The following SCT variants were observed in gnomAD, a reference collection of about 807,000 sequenced individuals.
SCT encodes secretin.
A neutral mutation model predicts 10.9 loss-of-function variants in SCT; 17 were observed. The observed-to-expected ratio is 1.55, with a 90% CI of 1.06 to 2.33. The LOEUF is 2.33. Ranked by LOEUF, SCT falls within the 30% of genes most tolerant of loss-of-function variation. SCT has a pLI of 0.00. For synonymous variants in SCT, 96 were observed against 73.9 expected (o/e 1.30, Z -1.54); for missense variants, 230 against 165.9 (o/e 1.39, Z -2.12).
Position 626,457 on chromosome 11 carries a change from C to T in SCT, c.340G>A (p.Ala114Thr), listed in dbSNP as rs1365592810. 2.6e-6 allele frequency: 4 copies of T among 1,555,144 alleles called. No individual in the cohort carries two copies. In the African/African-American group the frequency reaches 4.1e-5, roughly 16 times the overall value. ...CATCTGGGCCGCAAGGTTCCTTCTGCAGCAGCGCCAGCTGGTTCTGAAACC... is the reference window on the plus strand; with the variant it reads ...CATCTGGGCCGCAAGGTTCCTTCTGTAGCAGCGCCAGCTGGTTCTGAAACC... ...PMVSEPAGAA[A>T]EGTLRPR Residue 114 changes from alanine (A) to threonine (T), a missense_variant, in exon 4 of 4, where the codon GCA becomes ACA. Physicochemically the swap from Ala to Thr is moderately conservative, Grantham distance 58 (BLOSUM62 0). Transcript: ENST00000176195.
chr11:626,964 A>ACGTC lies in SCT; in HGVS notation c.93_96dup (p.Phe33AspfsTer?), dbSNP rs2133232701. 6 of 1,454,854 alleles carry ACGTC rather than the reference A, an allele frequency of 4.1e-6. No individual in the cohort carries two copies. Among genetic ancestry groups the ACGTC allele is most frequent in the Non-Finnish European group, 5.5e-6 (6 of 1,098,270 alleles). The allele number at this position is 1,454,854 out of a possible 1,614,324, so 90.1% of individuals were successfully genotyped here. A position where few individuals can be genotyped will look rare whatever the true frequency, so the allele number is the denominator to read the frequency against. ...CGCAGGCGGCTGAGCTCGCTGGTGA[A>ACGTC]CGTCCCGTCTGAGTGTCGCCGGGCC... On this transcript the variant is annotated frameshift_variant, in exon 2 of 4. Transcript: ENST00000176195. LOFTEE classifies it high-confidence loss of function.
At chr11:626,572 G>A (rs538811634) in intron 3 of SCT, 42 bp from the exon 4 acceptor site, 10 of 1,507,850 alleles carry the variant, frequency 6.6e-6, no homozygotes, top group African/African-American at 1.4e-5. Context: ...TGGGGCTGGA[G>A]ACCCCGGCCC....
Position 626,556 on chromosome 11 carries a change from G to A in SCT, c.267-26C>T, listed in dbSNP as rs1467811689. The A allele has an allele frequency of 5.2e-6, 8 of 1,537,006 alleles. No individual in the cohort carries two copies. The Admixed American group carries it at 1.6e-4, about 30-fold the overall frequency. On this transcript the variant is annotated intron_variant, in intron 3 of 3. Transcript: ENST00000176195. ...CTGCAGAGACAGCACGTGAGGGTCT[G>A]AGGGCTGGGGCTGGAGACCCCGGCC...
Position 626,354 on chromosome 11 carries a change from C to T in SCT, c.*77G>A, listed in dbSNP as rs778274977. ...TATTGGTGCCAAGTACCACCCCTCC[C>T]CCTCTCCCCCATCCTGCCCCCCACC... On this transcript the variant is annotated 3_prime_UTR_variant, in exon 4 of 4. Transcript: ENST00000176195. 2.1e-5 allele frequency: 23 copies of T among 1,079,966 alleles called. No homozygotes were observed. Among genetic ancestry groups the T allele is most frequent in the Non-Finnish European group, 2.9e-5 (21 of 729,164 alleles). The allele number at this position is 1,079,966 out of a possible 1,614,324, so 66.9% of individuals were successfully genotyped here. A position where few individuals can be genotyped will look rare whatever the true frequency, so the allele number is the denominator to read the frequency against.
At position 626,430 on chromosome 11, in the gene SCT, CTCA is replaced by C; in HGVS notation, c.364_366del (p.Ter122delextTer?). 6.4e-7 allele frequency: 1 copy of C among 1,551,432 alleles called. No individual in the cohort carries two copies. The highest frequency in any genetic ancestry group is 1.2e-5 in the South Asian group (1 of 84,046). ...GGGCAGGTGGTGAGGGGGTTCCTTC[CTCA>C]TCTGGGCCGCAAGGTTCCTTCTGCA... On this transcript the variant is annotated stop_lost and inframe_deletion, in exon 4 of 4. Coordinates refer to ENST00000176195, the MANE Select transcript of SCT (RefSeq NM_021920.4).
In SCT at chr11:627,154, G is replaced by A; in HGVS notation, c.-11C>T. 1 of 1,082,202 alleles carries A rather than the reference G, an allele frequency of 9.2e-7. No individual in the cohort carries two copies. Among genetic ancestry groups the A allele is most frequent in the Non-Finnish European group, 1.1e-6 (1 of 890,632 alleles). The allele number at this position is 1,082,202 out of a possible 1,614,324, so 67.0% of individuals were successfully genotyped here. ...GGGCCGGGGGGCCATGGCGGGGTCG[G>A]GGCGCAGGAGCTGAGCGCTGCGGCC... On this transcript the variant is annotated 5_prime_UTR_variant, in exon 1 of 4. Coordinates refer to ENST00000176195, the MANE Select transcript of SCT (RefSeq NM_021920.4).
intron 3 of SCT, 60 bp downstream of exon 3, chr11:626,637 A>G: frequency 1.3e-6 from 2 of 1,483,612 alleles, no homozygotes; most frequent in East Asian, 5.0e-5. Context: ...GGAGGCCAGG[A>G]CAGAAGGAGG....
chr11:627,088 C>A lies in SCT; in HGVS notation c.56G>T (p.Arg19Leu). The change falls in exon 1 of 4, where the codon CGC (arginine) becomes CTC (leucine). Residue 19 changes from arginine (R) to leucine (L), a missense_variant. Transcript: ENST00000176195. ...GGCGGCTCACCTGGGGGGCGCGGGG[C>A]GCGCGGCGGAGCCCCCGAGGAGCAG... ...LLLLLGGSAA[R>L]PAPPRARRHS... 2 of 1,121,662 alleles carry A rather than the reference C, an allele frequency of 1.8e-6. No individual in the cohort carries two copies. The highest frequency in any genetic ancestry group is 2.2e-6 in the Non-Finnish European group (2 of 912,816). The allele number at this position is 1,121,662 out of a possible 1,614,324, so 69.5% of individuals were successfully genotyped here.
chr11:626,877 C>A lies in SCT; in HGVS notation c.173+11G>T. ...CACCACGCCAGGACCCCCCACCCCA[C>A]CCGGCCTCACCTGCGCTTCCCCACC... On this transcript the variant is annotated intron_variant, in intron 2 of 3. Coordinates refer to ENST00000176195, the MANE Select transcript of SCT (RefSeq NM_021920.4). 6.5e-7 allele frequency: 1 copy of A among 1,544,586 alleles called. No homozygotes were observed. Among genetic ancestry groups the A allele is most frequent in the Non-Finnish European group, 8.7e-7 (1 of 1,145,562 alleles).
In SCT at chr11:626,742, C is replaced by T. The variant is rs961808821; in HGVS notation, c.221G>A (p.Gly74Asp). ...GTTGGACCCTGACGGGCAGAGCAGA[C>T]CCGCGCTGAGCCTGGTCCAGGCCAT... Reference protein sequence around the residue: ...NSMAWTRLSAGLLCPSGSNMP... With the variant: ...NSMAWTRLSADLLCPSGSNMP... Residue 74 changes from glycine (G) to aspartate (D), a missense_variant, in exon 3 of 4, where the codon GGT becomes GAT. By Grantham distance (94) the Gly-to-Asp change is moderately conservative. Coordinates refer to ENST00000176195, the MANE Select transcript of SCT (RefSeq NM_021920.4). 1.4e-5 allele frequency: 22 copies of T among 1,550,434 alleles called. No individual in the cohort carries two copies. The Admixed American group carries it at 3.1e-4, about 22-fold the overall frequency.
Position 626,710 on chromosome 11 carries a change from T to G in SCT, c.253A>C (p.Ile85Leu), listed in dbSNP as rs1425348066. 6.5e-7 allele frequency: 1 copy of G among 1,549,304 alleles called. No individual in the cohort carries two copies. Residue 85 changes from isoleucine to leucine, a missense_variant, in exon 3 of 4, where the codon ATC (isoleucine) becomes CTC (leucine). Transcript: ENST00000176195. ...GCGGGTGCTCACCAGGCCTGCAGGA[T>G]GGGCATGTTGGACCCTGACGGGCAG... Reference protein sequence around the residue: ...LLCPSGSNMPILQAWMPLDGT... With the variant: ...LLCPSGSNMPLLQAWMPLDGT...
intron 1 of SCT, 30 bp downstream of exon 1, chr11:627,043 G>C (rs1857791561): frequency 1.6e-6 from 2 of 1,227,664 alleles, no homozygotes; most frequent in South Asian, 2.2e-5. Context: ...GTGGGGCCCG[G>C]GGGGCGGGCG....
Position 627,108 on chromosome 11 carries a change from G to T in SCT, c.36C>A (p.Leu12=), listed in dbSNP as rs1857795351. ...CGGGGCGCGCGGCGGAGCCCCCGAG[G>T]AGCAGCAGCAGCAGCAGGAGGGGCC... is the stretch of plus-strand genomic sequence containing the variant. ...APRPLLLLLL[L]LGGSAARPAP... Residue 12 remains leucine (L), a synonymous_variant, in exon 1 of 4, where the codon CTC becomes CTA. Transcript: ENST00000176195. 5 of 1,094,686 alleles carry T rather than the reference G, an allele frequency of 4.6e-6. No homozygotes were observed. The highest frequency in any genetic ancestry group is 1.7e-5 in the African/African-American group (1 of 59,914). The allele number at this position is 1,094,686 out of a possible 1,614,324, so 67.8% of individuals were successfully genotyped here.
In SCT at chr11:626,761, A is replaced by C; in HGVS notation, c.202T>G (p.Trp68Gly). The change falls in exon 3 of 4, where the codon TGG becomes GGG. Residue 68 changes from tryptophan (W) to glycine (G), a missense_variant. Physicochemically the swap from Trp to Gly is radical, Grantham distance 184. Coordinates refer to ENST00000176195, the MANE Select transcript of SCT (RefSeq NM_021920.4). Reference protein sequence around the residue: ...SEQDAENSMAWTRLSAGLLCP... With the variant: ...SEQDAENSMAGTRLSAGLLCP... ...AGCAGACCCGCGCTGAGCCTGGTCC[A>C]GGCCATGCTGTTCTCTGCGTCCTGC... 1 of 1,550,570 alleles carries C rather than the reference A, an allele frequency of 6.4e-7. No individual in the cohort carries two copies. The highest frequency in any genetic ancestry group is 8.7e-7 in the Non-Finnish European group (1 of 1,146,796).
chr11:626,892 G>A lies in SCT; in HGVS notation c.169C>T (p.Arg57Cys), dbSNP rs1334596235. 11 of 1,543,020 alleles carry A rather than the reference G, an allele frequency of 7.1e-6. No homozygotes were observed. Among genetic ancestry groups the A allele is most frequent in the Non-Finnish European group, 9.6e-6 (11 of 1,146,000 alleles). Residue 57 changes from arginine (R) to cysteine (C), a missense_variant, in exon 2 of 4, where the codon CGC becomes TGC. Arg to Cys is a radical substitution (Grantham distance 180). Coordinates refer to ENST00000176195, the MANE Select transcript of SCT (RefSeq NM_021920.4). ...CCCCACCCCACCCGGCCTCACCTGC[G>A]CTTCCCCACCAGGCCCTGTAGCAGC... ...QRLLQGLVGK[R>C]SEQDAENSMA...
At position 627,172 on chromosome 11, in the gene SCT, C is replaced by T. The variant is rs1276663131; in HGVS notation, c.-29G>A. ...GGGGTCGGGGCGCAGGAGCTGAGCG[C>T]TGCGGCCACGGCCCCGGGCCCCCGC... On this transcript the variant is annotated 5_prime_UTR_variant, in exon 1 of 4. Coordinates refer to ENST00000176195, the MANE Select transcript of SCT (RefSeq NM_021920.4). 2.8e-6 allele frequency: 3 copies of T among 1,070,098 alleles called. No homozygotes were observed. In the Admixed American group the frequency reaches 1.6e-4, roughly 56 times the overall value. 66.3% of individuals were successfully genotyped at this position (1,070,098 alleles called of 1,614,324 possible). A position where few individuals can be genotyped will look rare whatever the true frequency, so the allele number is the denominator to read the frequency against.
Position 627,134 on chromosome 11 carries a change from G to T in SCT, c.10C>A (p.Arg4=). ...AGCAGCAGCAGCAGCAGGAGGGGCC[G>T]GGGGGCCATGGCGGGGTCGGGGCGC... MAP[R]PLLLLLLLLG... is the part of the protein sequence containing the mutation. The change falls in exon 1 of 4, where the codon CGG becomes AGG. Residue 4 remains arginine, a synonymous_variant. Coordinates refer to ENST00000176195, the MANE Select transcript of SCT (RefSeq NM_021920.4). 2 of 1,080,706 alleles carry T rather than the reference G, an allele frequency of 1.9e-6. No homozygotes were observed. The highest frequency in any genetic ancestry group is 2.3e-6 in the Non-Finnish European group (2 of 885,254). The allele number at this position is 1,080,706 out of a possible 1,614,324, so 66.9% of individuals were successfully genotyped here.
chr11:626,570 G>C (rs1027756477), intron 3 of SCT, 40 bp from the exon 4 acceptor site: 1 of 1,509,770 alleles, frequency 6.6e-7, no homozygotes, highest in South Asian at 1.2e-5. Context: ...GCTGGGGCTG[G>C]AGACCCCGGC....
In SCT at chr11:627,148, G is replaced by T; in HGVS notation, c.-5C>A. The T allele has an allele frequency of 1.8e-6, 2 of 1,087,778 alleles. No homozygotes were observed. Among genetic ancestry groups the T allele is most frequent in the South Asian group, 8.7e-5 (2 of 22,950 alleles). The allele number at this position is 1,087,778 out of a possible 1,614,324, so 67.4% of individuals were successfully genotyped here. ...CAGGAGGGGCCGGGGGGCCATGGCG[G>T]GGTCGGGGCGCAGGAGCTGAGCGCT... On this transcript the variant is annotated 5_prime_UTR_variant, in exon 1 of 4. Coordinates refer to ENST00000176195, the MANE Select transcript of SCT (RefSeq NM_021920.4).
Sources: allele counts gnomAD v4.1 joint callset, GRCh38; gene constraint gnomAD v4.1.1; transcripts MANE v1.5; gene names NCBI Gene and HGNC (gene_info 2026-07-23, HGNC 2026-07-21).